Variants in LHX9 observed in about 807,000 individuals in gnomAD.
The protein encoded by LHX9 is LIM homeobox 9, also known as LIM/homeobox protein Lhx9.
Under a neutral mutation model 36.5 loss-of-function variants are expected in LHX9, and 9 were observed. That is an observed-to-expected ratio of 0.25 (90% CI 0.15 to 0.43). LHX9 has a LOEUF of 0.43. LHX9 is among the 20% of genes least tolerant of loss of function. The pLI is 1.00. For synonymous variants in LHX9, 211 were observed against 212.1 expected (o/e 0.99, Z 0.04); for missense variants, 464 against 526.4 (o/e 0.88, Z 1.16).
rs1015217593 is a variant in LHX9 at position 197,929,858 on chromosome 1, T to C, written c.*599T>C. 15 of 955,288 alleles carry C rather than the reference T, an allele frequency of 1.6e-5. No homozygotes were observed. Among genetic ancestry groups the C allele is most frequent in the African/African-American group, 1.8e-5 (1 of 56,640 alleles). 59.2% of individuals were successfully genotyped at this position (955,288 alleles called of 1,614,324 possible). ...CTACAGACATTTTAAATAGTAATGATTAATTAGGTGAGAAATCTATTACAG... is the reference window on the plus strand; with the variant it reads ...CTACAGACATTTTAAATAGTAATGACTAATTAGGTGAGAAATCTATTACAG... On this transcript the variant is annotated 3_prime_UTR_variant, in exon 5 of 5. Transcript: ENST00000367387.
Position 197,935,442 on chromosome 1 carries a change from T to C in LHX9, c.*6183T>C. On this transcript the variant is annotated 3_prime_UTR_variant, in exon 5 of 5. Transcript: ENST00000367387. ...ACCTGAAGAGTAATTGGATACCTTT[T>C]ATGGTTATTTGAAAATAAAATTTGC... The C allele has an allele frequency of 6.6e-6, 1 of 152,202 alleles. No homozygotes were observed. Among genetic ancestry groups the C allele is most frequent in the Non-Finnish European group, 1.5e-5 (1 of 68,018 alleles). 9.4% of individuals were successfully genotyped at this position (152,202 alleles called of 1,614,324 possible).
At position 197,917,640 on chromosome 1, in the gene LHX9, T is replaced by C; in HGVS notation, c.-184T>C. 1 of 1,510,084 alleles carries C rather than the reference T, an allele frequency of 6.6e-7. No homozygotes were observed. Among genetic ancestry groups the C allele is most frequent in the Non-Finnish European group, 8.8e-7 (1 of 1,131,974 alleles). The allele number at this position is 1,510,084 out of a possible 1,614,324, so 93.5% of individuals were successfully genotyped here. A position where few individuals can be genotyped will look rare whatever the true frequency, so the allele number is the denominator to read the frequency against. ...GCCGCTGAGGCTTCCCCCCAACTCTTCCCAGTTCTTTTTGCTTCCCCTCGG... is the reference window on the plus strand; with the variant it reads ...GCCGCTGAGGCTTCCCCCCAACTCTCCCCAGTTCTTTTTGCTTCCCCTCGG... On this transcript the variant is annotated 5_prime_UTR_variant, in exon 1 of 5. Transcript: ENST00000367387.
intron 3 of LHX9, among the ~76,000 whole-genome samples, chr1:197,923,649 T>C (rs183876279): frequency 6.6e-6 from 1 of 152,340 alleles, no homozygotes; most frequent in East Asian, 1.9e-4. Context: ...TTTGATTGTT[T>C]ATTTAATCTA....
intron 4 of LHX9, among the ~76,000 whole-genome samples, chr1:197,928,448 G>C (rs1340520565): frequency 6.6e-6 from 1 of 152,178 alleles, no homozygotes; most frequent in Non-Finnish European, 1.5e-5. Context: ...GTGACAAATA[G>C]CAGGCATTTT....
At chr1:197,926,680 C>T (rs1427634208) in intron 3 of LHX9, among the ~76,000 whole-genome samples, 1 of 152,134 alleles carries the variant, frequency 6.6e-6, no homozygotes, top group Non-Finnish European at 1.5e-5. Flanking sequence ...AGGGGCACAG[C>T]TCACATCCCA....
Position 197,932,120 on chromosome 1 carries a change from T to G in LHX9, c.*2861T>G. On this transcript the variant is annotated 3_prime_UTR_variant, in exon 5 of 5. Coordinates refer to ENST00000367387, the MANE Select transcript of LHX9 (RefSeq NM_020204.3). ...AGAGACTTAAATGTCATTTACTGAA[T>G]GTTAACGAAACTTGTGTTCTTTATG... 1.7e-6 allele frequency: 1 copy of G among 593,348 alleles called. No individual in the cohort carries two copies. The highest frequency in any genetic ancestry group is 2.9e-6 in the Non-Finnish European group (1 of 342,800). The allele number at this position is 593,348 out of a possible 1,614,324, so 36.8% of individuals were successfully genotyped here.
At chr1:197,922,146 G>A (rs924921324) in intron 3 of LHX9, among the ~76,000 whole-genome samples, 1 of 152,170 alleles carries the variant, frequency 6.6e-6, no homozygotes, top group Non-Finnish European at 1.5e-5. Context: ...GAACACAGTT[G>A]GCAAGAGTGT....
intron 1 of LHX9, chr1:197,918,606 T>C: frequency 1.8e-6 from 1 of 559,674 alleles, no homozygotes; most frequent in South Asian, 2.4e-5. Flanking sequence ...GCGGGTGTCA[T>C]GTGTAGGGGG....
intron 3 of LHX9, among the ~76,000 whole-genome samples, chr1:197,922,179 T>C (rs930970173): frequency 6.6e-6 from 1 of 152,156 alleles, no homozygotes; most frequent in Non-Finnish European, 1.5e-5. Flanking sequence ...TCCCTGATCT[T>C]GGCAAAAAGC....
chr1:197,918,308 C>CG (rs1034700342), intron 1 of LHX9: 1 of 717,416 alleles, frequency 1.4e-6, no homozygotes, highest in East Asian at 2.7e-5. Flanking sequence ...CCCTTGATTC[C>CG]GGGGCAGGCG....
intron 3 of LHX9, among the ~76,000 whole-genome samples, chr1:197,922,028 T>C (rs1337503262): frequency 2.0e-5 from 3 of 150,398 alleles, no homozygotes; most frequent in African/African-American, 4.9e-5. Flanking sequence ...TTATAGATCC[T>C]GTAGGAGGTT....
At chr1:197,912,895 G>C, upstream of LHX9, 1 of 371,066 alleles carries the variant, frequency 2.7e-6, no homozygotes, top group Non-Finnish European at 4.9e-6. Context: ...CCTCCGGGGA[G>C]CTGCTGGGGG....
chr1:197,923,860 C>T (rs1011008242), intron 3 of LHX9, among the ~76,000 whole-genome samples: 1 of 152,090 alleles, frequency 6.6e-6, no homozygotes, highest in South Asian at 2.1e-4. Flanking sequence ...TGGAGAAGGT[C>T]GCTTTTGTCT....
intron 1 of LHX9, chr1:197,918,621 CAAAT>C (rs1557971652): frequency 2.3e-5 from 12 of 531,284 alleles, no homozygotes; most frequent in African/African-American, 1.9e-5. Context: ...AGGGGGAAAT[CAAAT>C]AAAACATACG....
At chr1:197,917,132 G>C (rs1571397250), upstream of LHX9, 1 of 436,684 alleles carries the variant, frequency 2.3e-6, no homozygotes, top group Admixed American at 6.5e-5. Flanking sequence ...GCGCGCGCGT[G>C]TGTGTGTTTT....
intron 1 of LHX9, 120 bp from the exon 2 acceptor site, chr1:197,919,852 G>A: frequency 1.1e-6 from 1 of 920,498 alleles, no homozygotes. Flanking sequence ...TTTGTGCAGT[G>A]GACCCTGGCC....
rs750446189 is a variant in LHX9 at position 197,927,580 on chromosome 1, T to C, written c.734-11T>C. On this transcript the variant is annotated splice_polypyrimidine_tract_variant and intron_variant, in intron 3 of 4. Coordinates refer to ENST00000367387, the MANE Select transcript of LHX9 (RefSeq NM_020204.3). ...CACTGAGCAGTTGTTTGTTCACTGT[T>C]ACTGCAACAGGTTGTAATGAGAATG... The C allele has an allele frequency of 1.9e-6, 3 of 1,612,948 alleles. No individual in the cohort carries two copies. The East Asian group carries it at 6.7e-5, about 36-fold the overall frequency.
In LHX9 at chr1:197,931,603, G is replaced by A; in HGVS notation, c.*2344G>A. The A allele has an allele frequency of 4.1e-6, 1 of 242,774 alleles. No homozygotes were observed. The highest frequency in any genetic ancestry group is 7.9e-6 in the Non-Finnish European group (1 of 126,462). 15.0% of individuals were successfully genotyped at this position (242,774 alleles called of 1,614,324 possible). A position where few individuals can be genotyped will look rare whatever the true frequency, so the allele number is the denominator to read the frequency against. ...TATTTAAACATACAAATAGTTTTTA[G>A]ACTTCCAAACTTCTGATTCATATGA... On this transcript the variant is annotated 3_prime_UTR_variant, in exon 5 of 5. Coordinates refer to ENST00000367387, the MANE Select transcript of LHX9 (RefSeq NM_020204.3).
upstream of LHX9, among the ~76,000 whole-genome samples, chr1:197,914,828 G>A (rs1051060725): frequency 1.3e-5 from 2 of 152,214 alleles, no homozygotes; most frequent in African/African-American, 4.8e-5. Flanking sequence ...CTGGATGCAG[G>A]AACTTATAAC....
Sources: gnomAD v4.1 joint callset for allele counts (sites outside exome capture counted in the v4.1 genomes callset) on GRCh38, gnomAD v4.1.1 for gene constraint, MANE v1.5 for transcripts, NCBI Gene and HGNC (gene_info 2026-07-23, HGNC 2026-07-21) for gene names.